TWIST2: variants seen among roughly 807,000 people sequenced by gnomAD.
TWIST2 encodes twist family bHLH transcription factor 2.
In TWIST2, 1 loss-of-function variant was observed where a neutral mutation model predicts 11.6. That is an observed-to-expected ratio of 0.09 (90% CI 0.03 to 0.41). The LOEUF (loss-of-function observed/expected upper bound fraction) is 0.41, where lower values mean the gene tolerates loss of function less well. Ranked by LOEUF, TWIST2 falls within the 10% of genes least tolerant of loss-of-function variation. The pLI is 0.98. For missense variants in TWIST2, 168 were observed against 226.4 expected, an observed-to-expected ratio of 0.74 and a Z score of 1.66; for synonymous variants, 87 against 96.6, an observed-to-expected ratio of 0.90 and a Z score of 0.58.
intron 1 of TWIST2, among the ~76,000 whole-genome samples, chr2:238,898,243 C>A (rs947208302): frequency 8.5e-5 from 13 of 152,250 alleles, no homozygotes; most frequent in Non-Finnish European, 1.6e-4. Flanking sequence ...CATAGTGTGG[C>A]CCAGCCTCAG....
In TWIST2 at chr2:238,877,560, A is replaced by G. The variant is rs1297406596; in HGVS notation, c.*35+28827A>G. ...AAGCAATTCAATCACATAATGAAAC[A>G]AAAAGATGTCATTCACACAAACAAA... On this transcript the variant is annotated intron_variant, in intron 1 of 1. Transcript: ENST00000612363. Among the ~76,000 whole-genome samples, 13 of 136,092 alleles carry G rather than the reference A, an allele frequency of 9.6e-5. No individual in the cohort carries two copies. The Admixed American group carries it at 1.0e-3, about 11-fold the overall frequency. The allele number at this position is 136,092 out of a possible 152,430, so 89.3% of individuals were successfully genotyped here. A position where few individuals can be genotyped will look rare whatever the true frequency, so the allele number is the denominator to read the frequency against.
intron 1 of TWIST2, among the ~76,000 whole-genome samples, chr2:238,898,852 C>A (rs1693237115): frequency 6.6e-6 from 1 of 152,280 alleles, no homozygotes; most frequent in African/African-American, 2.4e-5. Context: ...TTCTGTCTGC[C>A]CAGGTTTGCT....
At chr2:238,907,931 C>A (rs1486080193) in intron 1 of TWIST2, among the ~76,000 whole-genome samples, 1 of 143,548 alleles carries the variant, frequency 7.0e-6, no homozygotes, top group Non-Finnish European at 1.5e-5. Flanking sequence ...CTACACCACA[C>A]ACAAACACAC....
chr2:238,898,371 G>C (rs1219787024), intron 1 of TWIST2, among the ~76,000 whole-genome samples: 1 of 152,214 alleles, frequency 6.6e-6, no homozygotes, highest in Non-Finnish European at 1.5e-5. Context: ...TTGTCAAAGC[G>C]CAGATGTTGA....
intron 1 of TWIST2, among the ~76,000 whole-genome samples, chr2:238,895,565 C>T (rs1033274314): frequency 3.9e-5 from 6 of 152,236 alleles, no homozygotes; most frequent in African/African-American, 1.4e-4. Context: ...GGGATGCTCT[C>T]CTGCCATCTG....
chr2:238,873,619 G>A (rs753703223), intron 1 of TWIST2, among the ~76,000 whole-genome samples: 1 of 152,174 alleles, frequency 6.6e-6, no homozygotes, highest in African/African-American at 2.4e-5. Flanking sequence ...CCGTGCACAA[G>A]GAATACACAA....
At chr2:238,865,705 G>C (rs1234641852) in intron 1 of TWIST2, among the ~76,000 whole-genome samples, 1 of 141,458 alleles carries the variant, frequency 7.1e-6, no homozygotes, top group East Asian at 2.0e-4. Context: ...TTTTTTTTTT[G>C]CTGTGGCATT....
chr2:238,873,820 CTTTG>C (rs1169113091), intron 1 of TWIST2, among the ~76,000 whole-genome samples: 3 of 152,100 alleles, frequency 2.0e-5, no homozygotes, highest in Non-Finnish European at 2.9e-5. Flanking sequence ...AATAAAAAGC[CTTTG>C]TTTGTGTCTT....
chr2:238,851,568 A>G (rs1412489263), intron 1 of TWIST2, among the ~76,000 whole-genome samples: 2 of 126,670 alleles, frequency 1.6e-5, no homozygotes, highest in African/African-American at 5.4e-5. Context: ...TCCTCACTCA[A>G]CAAACTTTTT....
At chr2:238,850,404 C>T (rs748226365) in intron 1 of TWIST2, among the ~76,000 whole-genome samples, 2 of 152,176 alleles carry the variant, frequency 1.3e-5, no homozygotes. Context: ...TTACCTCATT[C>T]ATGGTTTATA....
At chr2:238,879,875 G>A (rs756147441) in intron 1 of TWIST2, among the ~76,000 whole-genome samples, 8 of 152,236 alleles carry the variant, frequency 5.3e-5, no homozygotes, top group Non-Finnish European at 1.2e-4. Flanking sequence ...AGAGCATTCT[G>A]CACAGAGGGA....
In TWIST2 at chr2:238,869,399, A is replaced by G. The variant is rs140732324; in HGVS notation, c.*35+20666A>G. Among the ~76,000 whole-genome samples, 14 of 152,368 alleles carry G rather than the reference A, an allele frequency of 9.2e-5. 1 individual carries two copies. Among genetic ancestry groups the G allele is most frequent in the African/African-American group, 3.4e-4 (14 of 41,584 alleles). ...AAAACTCCTTTGTATCGAAGAACAC[A>G]ACAATGAAATGACAACCTGTGGAAT... On this transcript the variant is annotated intron_variant, in intron 1 of 1. Coordinates refer to ENST00000612363, the MANE Select transcript of TWIST2 (RefSeq NM_001271893.4).
chr2:238,854,348 C>T (rs180934088), intron 1 of TWIST2, among the ~76,000 whole-genome samples: 58 of 152,258 alleles, frequency 3.8e-4, no homozygotes, highest in African/African-American at 1.3e-3. Flanking sequence ...GACGGTTCAC[C>T]TCTGTGTCTC....
chr2:238,875,676 CG>C (rs1692793311), intron 1 of TWIST2, among the ~76,000 whole-genome samples: 1 of 152,254 alleles, frequency 6.6e-6, no homozygotes, highest in East Asian at 1.9e-4. Context: ...ACCGGGGTCA[CG>C]GGAATGCCAT....
At chr2:238,868,997 C>T (rs188171565) in intron 1 of TWIST2, among the ~76,000 whole-genome samples, 15 of 152,296 alleles carry the variant, frequency 9.8e-5, no homozygotes, top group Non-Finnish European at 1.6e-4. Flanking sequence ...CAGTGTCGTC[C>T]GCACCAGCAT....
intron 1 of TWIST2, among the ~76,000 whole-genome samples, chr2:238,904,385 T>C (rs1266126770): frequency 6.7e-6 from 1 of 149,152 alleles, no homozygotes; most frequent in Non-Finnish European, 1.5e-5. Context: ...GTAGTGTGTG[T>C]GTGATGTAAG....
intron 1 of TWIST2, among the ~76,000 whole-genome samples, chr2:238,874,027 C>G (rs370046432): frequency 2.0e-5 from 3 of 152,060 alleles, no homozygotes; most frequent in Non-Finnish European, 4.4e-5. Context: ...GGGGTTCATG[C>G]GTTAGAGGAG....
chr2:238,869,243 C>T (rs984613623), intron 1 of TWIST2, among the ~76,000 whole-genome samples: 1 of 152,240 alleles, frequency 6.6e-6, no homozygotes, highest in Non-Finnish European at 1.5e-5. Context: ...GCACAGGCCA[C>T]TGCAGCTTGT....
At chr2:238,880,205 G>GTTAGTA (rs1281288792) in intron 1 of TWIST2, among the ~76,000 whole-genome samples, 9 of 150,264 alleles carry the variant, frequency 6.0e-5, no homozygotes, top group African/African-American at 2.2e-4. Context: ...TGGTGTTACT[G>GTTAGTA]TTAGTATTAG....
Sources: allele counts gnomAD v4.1 joint callset (sites outside exome capture counted in the v4.1 genomes callset), GRCh38; gene constraint gnomAD v4.1.1; transcripts MANE v1.5; gene names NCBI Gene and HGNC (gene_info 2026-07-23, HGNC 2026-07-21).